CHMP2B: variants seen among roughly 807,000 people sequenced by gnomAD.
The protein encoded by CHMP2B is VPS2 homolog B.
Under a neutral mutation model 29.8 loss-of-function variants are expected in CHMP2B, and 22 were observed. That is an observed-to-expected ratio of 0.74 (90% CI 0.53 to 1.05). The LOEUF (loss-of-function observed/expected upper bound fraction) is 1.05, where lower values mean the gene tolerates loss of function less well. Among genes scored for constraint, CHMP2B ranks in the 50% least tolerant of loss-of-function variants. The pLI, the probability that CHMP2B is intolerant of heterozygous loss-of-function variation, is 0.00. For synonymous variants in CHMP2B, 78 were observed against 75.8 expected (o/e 1.03, Z -0.15); for missense variants, 261 against 252.2 (o/e 1.03, Z -0.24).
intron 1 of CHMP2B, among the ~76,000 whole-genome samples, chr3:87,233,980 G>A (rs1288022486): frequency 4.6e-5 from 7 of 152,134 alleles, no homozygotes; most frequent in African/African-American, 7.2e-5. Flanking sequence ...CCTGCTGACC[G>A]ATGGTGATTT....
chr3:87,230,025 G>C (rs554937872), intron 1 of CHMP2B, among the ~76,000 whole-genome samples: 1 of 152,236 alleles, frequency 6.6e-6, no homozygotes, highest in African/African-American at 2.4e-5. Flanking sequence ...TTACAGTTGA[G>C]TACTACTTGG....
chr3:87,247,547 A>G (rs1312371042), intron 3 of CHMP2B, among the ~76,000 whole-genome samples: 1 of 152,188 alleles, frequency 6.6e-6, no homozygotes, highest in Non-Finnish European at 1.5e-5. Flanking sequence ...CCCTTGTTTG[A>G]CCTCAGCTGG....
chr3:87,250,518 A>G (rs1435776935), intron 4 of CHMP2B, among the ~76,000 whole-genome samples: 3 of 151,966 alleles, frequency 2.0e-5, no homozygotes, highest in African/African-American at 4.8e-5. Flanking sequence ...TTTTTTTCTC[A>G]TAATCTTGAT....
chr3:87,249,726 C>A (rs1264325648), intron 3 of CHMP2B, 149 bp from the exon 4 acceptor site: 2 of 487,544 alleles, frequency 4.1e-6, no homozygotes, highest in Non-Finnish European at 7.4e-6. Flanking sequence ...TCATTTTTTT[C>A]TAGAATATTT....
At chr3:87,249,363 G>A (rs867414695) in intron 3 of CHMP2B, among the ~76,000 whole-genome samples, 26 of 151,998 alleles carry the variant, frequency 1.7e-4, no homozygotes, top group African/African-American at 6.0e-4. Context: ...AATATATAAT[G>A]TAAGAGAATT....
intron 1 of CHMP2B, among the ~76,000 whole-genome samples, chr3:87,239,522 CTGT>C (rs1240087010): frequency 1.3e-5 from 2 of 152,098 alleles, no homozygotes; most frequent in Non-Finnish European, 2.9e-5. Context: ...GTTCTTTCTC[CTGT>C]TGTTGTTGTT....
chr3:87,230,958 A>G (rs1705898787), intron 1 of CHMP2B, among the ~76,000 whole-genome samples: 1 of 151,692 alleles, frequency 6.6e-6, no homozygotes. Flanking sequence ...ATTTTCCTCA[A>G]ATTCCTCTGA....
At chr3:87,244,446 AT>A (rs939752166) in intron 2 of CHMP2B, among the ~76,000 whole-genome samples, 2 of 150,070 alleles carry the variant, frequency 1.3e-5, no homozygotes, top group South Asian at 4.2e-4. Context: ...TGAAGTATTC[AT>A]TTTTTTTCAA....
chr3:87,253,089 AAAT>A (rs1706345015), intron 4 of CHMP2B: 1 of 275,552 alleles, frequency 3.6e-6, no homozygotes, highest in Non-Finnish European at 7.0e-6. Context: ...ACAATTTGTG[AAAT>A]AATATTTAAA....
intron 1 of CHMP2B, among the ~76,000 whole-genome samples, chr3:87,233,925 C>G (rs1705951318): frequency 6.6e-6 from 1 of 152,120 alleles, no homozygotes; most frequent in Non-Finnish European, 1.5e-5. Context: ...GTGAAAAACA[C>G]AGCATACAGT....
At chr3:87,242,733 T>G (rs1312045659) in intron 2 of CHMP2B, among the ~76,000 whole-genome samples, 3 of 152,184 alleles carry the variant, frequency 2.0e-5, no homozygotes, top group Admixed American at 6.5e-5. Context: ...CCTTGTCGTC[T>G]TTGTGGAAAA....
At chr3:87,227,684 G>A in intron 1 of CHMP2B, 128 bp downstream of exon 1, 2 of 1,184,342 alleles carry the variant, frequency 1.7e-6, no homozygotes, top group Non-Finnish European at 2.5e-6. Context: ...ACAGGTGACC[G>A]CCCTCGCGGC....
At chr3:87,245,033 G>A (rs1452269015) in intron 2 of CHMP2B, among the ~76,000 whole-genome samples, 2 of 151,962 alleles carry the variant, frequency 1.3e-5, no homozygotes, top group Non-Finnish European at 1.5e-5. Flanking sequence ...AGATTGTCCT[G>A]GTATCTTTAT....
chr3:87,229,269 A>G (rs905782219), intron 1 of CHMP2B, among the ~76,000 whole-genome samples: 70 of 152,290 alleles, frequency 4.6e-4, no homozygotes, highest in African/African-American at 1.6e-3. Flanking sequence ...TTAACTGTAT[A>G]CTCATTTGCA....
chr3:87,242,000 G>A (rs1706126435), intron 2 of CHMP2B, among the ~76,000 whole-genome samples: 2 of 151,936 alleles, frequency 1.3e-5, no homozygotes, highest in East Asian at 1.9e-4. Context: ...CATTTTAGTG[G>A]GTGTATAGTA....
At chr3:87,244,105 G>A (rs1706170890) in intron 2 of CHMP2B, among the ~76,000 whole-genome samples, 1 of 146,510 alleles carries the variant, frequency 6.8e-6, no homozygotes, top group Admixed American at 6.8e-5. Context: ...GGAGTGCGGT[G>A]GCGTGATCTC....
intron 4 of CHMP2B, among the ~76,000 whole-genome samples, chr3:87,250,742 G>A (rs1032514563): frequency 5.3e-5 from 8 of 151,654 alleles, no homozygotes; most frequent in African/African-American, 9.7e-5. Context: ...AATTTTTAAC[G>A]TGTTTGATAA....
chr3:87,245,046 A>G (rs1043004849), intron 2 of CHMP2B, among the ~76,000 whole-genome samples: 2 of 152,128 alleles, frequency 1.3e-5, no homozygotes, highest in Non-Finnish European at 2.9e-5. Context: ...ATCTTTATGT[A>G]TTGATTCCCT....
chr3:87,233,451 T>G (rs1705942259), intron 1 of CHMP2B, among the ~76,000 whole-genome samples: 1 of 151,600 alleles, frequency 6.6e-6, no homozygotes, highest in Non-Finnish European at 1.5e-5. Flanking sequence ...ATTTTTGCAG[T>G]TTTTTTTTCT....
Sources: gnomAD v4.1 joint callset for allele counts (sites outside exome capture counted in the v4.1 genomes callset) on GRCh38, gnomAD v4.1.1 for gene constraint, MANE v1.5 for transcripts, NCBI Gene and HGNC (gene_info 2026-07-23, HGNC 2026-07-21) for gene names.